CEP128: variants seen among roughly 807,000 people sequenced by gnomAD.
CEP128 encodes the protein centrosomal protein 128kDa.
In CEP128, 132 loss-of-function variants were observed where a neutral mutation model predicts 156.7. That is an observed-to-expected ratio of 0.84 (90% CI 0.73 to 0.97). The LOEUF (loss-of-function observed/expected upper bound fraction) is 0.97, where lower values mean the gene tolerates loss of function less well. CEP128 is among the 50% of genes least tolerant of loss of function. The pLI, the probability that CEP128 is intolerant of heterozygous loss-of-function variation, is 0.00. For synonymous variants in CEP128, 469 were observed against 448.9 expected (o/e 1.04, Z -0.57); for missense variants, 1,252 against 1,281.9 (o/e 0.98, Z 0.36).
At chr14:80,559,662 G>C (rs1203428351) in intron 20 of CEP128, among the ~76,000 whole-genome samples, 1 of 152,156 alleles carries the variant, frequency 6.6e-6, no homozygotes, top group Admixed American at 6.5e-5. Flanking sequence ...TAGTGATATA[G>C]ACAAGGAATT....
intron 4 of CEP128, among the ~76,000 whole-genome samples, chr14:80,911,158 T>C (rs974381763): frequency 2.0e-5 from 3 of 152,164 alleles, no homozygotes. Context: ...AAGGAGATCA[T>C]CTGGGCAACA....
At chr14:80,675,650 G>A (rs952749580) in intron 19 of CEP128, among the ~76,000 whole-genome samples, 8 of 151,894 alleles carry the variant, frequency 5.3e-5, no homozygotes, top group African/African-American at 1.9e-4. Context: ...ATCATAAGTA[G>A]GTTATATTTT....
At chr14:80,786,817 C>T (rs1365400533) in intron 14 of CEP128, among the ~76,000 whole-genome samples, 4 of 152,052 alleles carry the variant, frequency 2.6e-5, no homozygotes, top group African/African-American at 9.7e-5. Flanking sequence ...GTGATCAAAA[C>T]TGTAAAAAGA....
At chr14:80,676,389 T>C (rs1318586817) in intron 19 of CEP128, among the ~76,000 whole-genome samples, 1 of 152,080 alleles carries the variant, frequency 6.6e-6, no homozygotes, top group Non-Finnish European at 1.5e-5. Context: ...TGATTTTATA[T>C]ATTGAGTTTT....
chr14:80,830,118 C>A, intron 13 of CEP128: 1 of 450,626 alleles, frequency 2.2e-6, no homozygotes, highest in Non-Finnish European at 4.0e-6. Flanking sequence ...TAAAATAATA[C>A]CCATGAAGCA....
chr14:80,855,171 T>C (rs1450684587), intron 9 of CEP128, among the ~76,000 whole-genome samples: 1 of 152,146 alleles, frequency 6.6e-6, no homozygotes, highest in Non-Finnish European at 1.5e-5. Context: ...TGTGTGGTTG[T>C]CCTGTTGTGA....
chr14:80,883,766 T>G (rs985876771), intron 8 of CEP128, among the ~76,000 whole-genome samples: 8 of 152,030 alleles, frequency 5.3e-5, no homozygotes, highest in Admixed American at 4.6e-4. Context: ...ACCCATAATA[T>G]TCAAAGCTAT....
chr14:80,654,994 C>G (rs1347749203), intron 19 of CEP128, among the ~76,000 whole-genome samples: 1 of 152,166 alleles, frequency 6.6e-6, no homozygotes. Context: ...TCATAACTCT[C>G]AGTCACCGTT....
chr14:80,530,074 T>C (rs1889156217), intron 22 of CEP128, among the ~76,000 whole-genome samples: 1 of 152,170 alleles, frequency 6.6e-6, no homozygotes, highest in Admixed American at 6.5e-5. Context: ...TGAAATATGA[T>C]TACATGGTTG....
At chr14:80,814,855 G>A (rs978778386) in intron 13 of CEP128, among the ~76,000 whole-genome samples, 5 of 152,206 alleles carry the variant, frequency 3.3e-5, no homozygotes, top group South Asian at 2.1e-4. Flanking sequence ...TCAGGAGTTC[G>A]AGACCAACCT....
intron 19 of CEP128, among the ~76,000 whole-genome samples, chr14:80,662,525 A>C (rs946695670): frequency 6.6e-6 from 1 of 152,284 alleles, no homozygotes; most frequent in Middle Eastern, 3.4e-3. Flanking sequence ...TCAACAATAT[A>C]AGCCATGTAT....
intron 8 of CEP128, among the ~76,000 whole-genome samples, chr14:80,890,389 A>G (rs904333814): frequency 1.3e-5 from 2 of 152,234 alleles, no homozygotes; most frequent in African/African-American, 4.8e-5. Flanking sequence ...ATGCCCATCA[A>G]TGATAGACTG....
chr14:80,565,619 T>C (rs779542619), intron 20 of CEP128, among the ~76,000 whole-genome samples: 10 of 152,210 alleles, frequency 6.6e-5, no homozygotes, highest in Non-Finnish European at 1.3e-4. Flanking sequence ...GCTACCACAA[T>C]GAAGTGTACT....
Position 80,527,922 on chromosome 14 carries a change from A to G in CEP128, c.2959-940T>C, listed in dbSNP as rs79955980. 4.9e-3 allele frequency among the ~76,000 whole-genome samples: 743 copies of G among 152,240 alleles called. 9 individuals carry two copies. Among genetic ancestry groups the G allele is most frequent in the Non-Finnish European group, 7.9e-3 (540 of 68,022 alleles). Reference sequence around the variant, plus strand: ...CTTGGGGGAAGAAGGAACACAGCAAACAGTCACTATAGACAATTATTTAGA... The same window carrying G: ...CTTGGGGGAAGAAGGAACACAGCAAGCAGTCACTATAGACAATTATTTAGA... On this transcript the variant is annotated intron_variant, in intron 22 of 24. Coordinates refer to ENST00000555265, the MANE Select transcript of CEP128 (RefSeq NM_152446.5).
At chr14:80,933,980 C>T (rs556456539) in intron 2 of CEP128, among the ~76,000 whole-genome samples, 4 of 152,170 alleles carry the variant, frequency 2.6e-5, no homozygotes, top group African/African-American at 7.2e-5. Flanking sequence ...CAGGGAGGTC[C>T]GATATACAAG....
chr14:80,757,044 G>A, intron 17 of CEP128, 93 bp from the exon 18 acceptor site: 1 of 798,100 alleles, frequency 1.3e-6, no homozygotes, highest in Middle Eastern at 3.6e-4. Context: ...CAAAAGTTTA[G>A]TTCCCCAATT....
chr14:80,810,342 A>AAAAAAAAAAAAAAAAAAAAAAAAAAT (rs1884449967), intron 13 of CEP128, among the ~76,000 whole-genome samples: 1 of 148,392 alleles, frequency 6.7e-6, no homozygotes, highest in African/African-American at 2.4e-5. Context: ...AAAAAAAAAA[A>AAAAAAAAAAAAAAAAAAAAAAAAAAT]AAAAAAGAAT....
At chr14:80,702,042 G>A (rs1437224143) in intron 19 of CEP128, among the ~76,000 whole-genome samples, 1 of 152,116 alleles carries the variant, frequency 6.6e-6, no homozygotes, top group Non-Finnish European at 1.5e-5. Context: ...TGCTTTCACT[G>A]GCAGCTCAGC....
Position 80,899,964 on chromosome 14 carries a change from G to T in CEP128, c.546C>A (p.Phe182Leu), listed in dbSNP as rs200577880. Residue 182 changes from phenylalanine (F) to leucine (L), a missense_variant, in exon 7 of 25, where the codon TTC becomes TTA. By Grantham distance (22) the Phe-to-Leu change is conservative. Transcript: ENST00000555265. ...GGCTCCTTCTGGAAAGCTCCCTGTT[G>T]AAATCATCTCCAAGGCGAATTTGTT... ...SSEQIRLGDD[F>L]NRELSRRSRS... The T allele has an allele frequency of 5.0e-6, 8 of 1,613,638 alleles. No homozygotes were observed. The Admixed American group carries it at 1.3e-4, about 27-fold the overall frequency.
Sources: gnomAD v4.1 joint callset for allele counts (sites outside exome capture counted in the v4.1 genomes callset) on GRCh38, gnomAD v4.1.1 for gene constraint, MANE v1.5 for transcripts, NCBI Gene and HGNC (gene_info 2026-07-23, HGNC 2026-07-21) for gene names.